The following PRKACA variants were observed in gnomAD, a reference collection of about 807,000 sequenced individuals.
PRKACA encodes the protein cAMP-dependent protein kinase catalytic subunit alpha.
A neutral mutation model predicts 45.8 loss-of-function variants in PRKACA; 9 were observed. That is an observed-to-expected ratio of 0.20 (90% CI 0.12 to 0.34). The LOEUF (loss-of-function observed/expected upper bound fraction) is 0.34. Ranked by LOEUF, PRKACA falls within the 10% of genes least tolerant of loss-of-function variation. The pLI is 1.00. For missense variants in PRKACA, 238 were observed against 458.6 expected, an observed-to-expected ratio of 0.52 and a Z score of 4.39; for synonymous variants, 160 against 178.6, an observed-to-expected ratio of 0.90 and a Z score of 0.83.
At chr19:14,117,343 G>A (rs1054787491) in intron 1 of PRKACA, among the ~76,000 whole-genome samples, 159 bp downstream of exon 1, 1 of 151,152 alleles carries the variant, frequency 6.6e-6, no homozygotes, top group Admixed American at 6.6e-5. Context: ...GGTACTCTGC[G>A]GGCCCGCGGG....
chr19:14,093,310 G>C lies in PRKACA; in HGVS notation c.931-73C>G, dbSNP rs925441839. Reference sequence around the variant, plus strand: ...ATTATTACAACAATAAATGCGAATGGCCTAACATTCAAGAGATATTTACTC... The same window carrying C: ...ATTATTACAACAATAAATGCGAATGCCCTAACATTCAAGAGATATTTACTC... On this transcript the variant is annotated intron_variant, in intron 9 of 9. Coordinates refer to ENST00000308677, the MANE Select transcript of PRKACA (RefSeq NM_002730.4). 7.7e-6 allele frequency: 12 copies of C among 1,550,572 alleles called. No homozygotes were observed. The Admixed American group carries it at 2.2e-4, about 29-fold the overall frequency.
chr19:14,096,897 T>C (rs1459413186), intron 8 of PRKACA: 1 of 282,778 alleles, frequency 3.5e-6, no homozygotes, highest in African/African-American at 2.2e-5. Context: ...ACCCCTCATC[T>C]GAACCCTCAG....
rs1393724362 is a variant in PRKACA at position 14,091,916 on chromosome 19, TACGAGAGAAAAAAGC to T, written c.*1181_*1195del. ...CCCCAGCGGCTCCCCACTTTTCTAT[TACGAGAGAAAAAAGC>T]ACAAATGAGAAAGTGGGGGAGAGGT... is the stretch of plus-strand genomic sequence containing the variant. On this transcript the variant is annotated 3_prime_UTR_variant, in exon 10 of 10. Transcript: ENST00000308677. The T allele has an allele frequency of 6.6e-6, 1 of 151,864 alleles. No homozygotes were observed. The highest frequency in any genetic ancestry group is 1.5e-5 in the Non-Finnish European group (1 of 67,868). 9.4% of individuals were successfully genotyped at this position (151,864 alleles called of 1,614,324 possible). A position where few individuals can be genotyped will look rare whatever the true frequency, so the allele number is the denominator to read the frequency against.
At chr19:14,101,279 A>G (rs955534259) in intron 4 of PRKACA, 7 of 236,778 alleles carry the variant, frequency 3.0e-5, no homozygotes, top group Non-Finnish European at 6.0e-5. Context: ...AAAAATTATT[A>G]CAGAGGGTCG....
rs770698309 is a variant in PRKACA, at chr19:14,097,498, G to A, written c.643-15C>T. ...TTGTTGTAGCCCTGGAGCAAGATGG[G>A]GGGGCACAGGGTGAGGAGGAGGCGA... On this transcript the variant is annotated splice_polypyrimidine_tract_variant and intron_variant, in intron 7 of 9. Transcript: ENST00000308677. This position sits in a 1 kb window ranked among gnomAD's most constrained non-coding sequence, Gnocchi z 5.4. 1.9e-6 allele frequency: 3 copies of A among 1,613,976 alleles called. No individual in the cohort carries two copies. Among genetic ancestry groups the A allele is most frequent in the South Asian group, 2.2e-5 (2 of 91,088 alleles).
At position 14,102,843 on chromosome 19, in the gene PRKACA, G is replaced by T; in HGVS notation, c.309C>A (p.Phe103Leu). 6.2e-7 allele frequency: 1 copy of T among 1,614,192 alleles called. No individual in the cohort carries two copies. Residue 103 changes from phenylalanine to leucine, a missense_variant, in exon 4 of 10, where the codon TTC (phenylalanine) becomes TTA (leucine). By Grantham distance (22) the Phe-to-Leu change is conservative (BLOSUM62 0). This residue lies in a region of PRKACA where 93 missense variants were observed against 149.1 expected (regional missense o/e 0.62). Coordinates refer to ENST00000308677, the MANE Select transcript of PRKACA (RefSeq NM_002730.4). ...KRILQAVNFP[F>L]LVKLEFSFKD... The stretch of plus-strand genomic sequence containing the variant: ...TGAAGGAGAACTCGAGTTTGACGAG[G>T]AACGGAAAGTTGACAGCTTGCAGGA...
intron 3 of PRKACA, among the ~76,000 whole-genome samples, chr19:14,105,721 G>A (rs960859467): frequency 3.1e-4 from 47 of 152,194 alleles, no homozygotes; most frequent in South Asian, 1.9e-3. Context: ...GACTACAGGC[G>A]TGCGCCACCG....
intron 4 of PRKACA, among the ~76,000 whole-genome samples, chr19:14,102,476 G>A (rs1599341228): frequency 6.6e-6 from 1 of 152,204 alleles, no homozygotes; most frequent in Non-Finnish European, 1.5e-5. Context: ...CACACATCAA[G>A]AAGTACTGAA....
intron 1 of PRKACA, among the ~76,000 whole-genome samples, chr19:14,113,680 G>A (rs1281501065): frequency 1.3e-5 from 2 of 152,158 alleles, no homozygotes; most frequent in African/African-American, 4.8e-5. Context: ...GGGCAGGAAT[G>A]CCCAGCCTGG....
At chr19:14,107,097 G>A (rs1977635262) in intron 2 of PRKACA, among the ~76,000 whole-genome samples, 1 of 150,022 alleles carries the variant, frequency 6.7e-6, no homozygotes, top group Non-Finnish European at 1.5e-5. Context: ...CTGGCCTGGG[G>A]CCTGGAAGCT....
rs1031628866 is a variant in PRKACA, at chr19:14,097,030, T to C, written c.765+331A>G. ...ACCAAATACATTCGTTTTTCTGCCT[T>C]GGAATTTGCGAAAACTCACACTAAC... On this transcript the variant is annotated intron_variant, in intron 8 of 9. Coordinates refer to ENST00000308677, the MANE Select transcript of PRKACA (RefSeq NM_002730.4). This position sits in a 1 kb window ranked among gnomAD's most constrained non-coding sequence, Gnocchi z 5.4. The C allele has an allele frequency of 1.2e-4, 46 of 374,002 alleles. No homozygotes were observed. Among genetic ancestry groups the C allele is most frequent in the Middle Eastern group, 9.1e-4 (1 of 1,096 alleles). 23.2% of individuals were successfully genotyped at this position (374,002 alleles called of 1,614,324 possible).
intron 1 of PRKACA, among the ~76,000 whole-genome samples, chr19:14,111,407 A>G (rs1966960206): frequency 6.6e-6 from 1 of 152,080 alleles, no homozygotes; most frequent in Admixed American, 6.6e-5. Flanking sequence ...CAAAAAAAAA[A>G]AAAAGAAAGT....
intron 5 of PRKACA, among the ~76,000 whole-genome samples, chr19:14,099,421 C>T (rs567423968): frequency 6.7e-4 from 101 of 151,284 alleles, no homozygotes; most frequent in Non-Finnish European, 1.2e-3. Context: ...ACTGCAGCAG[C>T]GTGATCACGG....
chr19:14,108,333 C>G (rs1226894208), intron 1 of PRKACA: 1 of 164,810 alleles, frequency 6.1e-6, no homozygotes, highest in African/African-American at 2.4e-5. Flanking sequence ...GGGAGTTGAA[C>G]AGTGGCCCCG....
intron 1 of PRKACA, among the ~76,000 whole-genome samples, chr19:14,116,983 G>C (rs1436812155): frequency 6.9e-6 from 1 of 144,448 alleles, no homozygotes; most frequent in African/African-American, 2.5e-5. Flanking sequence ...GTGCTAAGGT[G>C]AAGAGGGAAA....
rs1360959639 is a variant in PRKACA at position 14,092,886 on chromosome 19, G to C, written c.*226C>G. The C allele has an allele frequency of 3.7e-6, 2 of 534,304 alleles. No individual in the cohort carries two copies. Among genetic ancestry groups the C allele is most frequent in the South Asian group, 3.5e-5 (1 of 28,934 alleles). The allele number at this position is 534,304 out of a possible 1,614,324, so 33.1% of individuals were successfully genotyped here. On this transcript the variant is annotated 3_prime_UTR_variant, in exon 10 of 10. Coordinates refer to ENST00000308677, the MANE Select transcript of PRKACA (RefSeq NM_002730.4). ...TGTGGGGAAAGAGGAAGGGAAAAGT[G>C]GGAGAGGGGGCAGGAGGGTGAAGGG...
chr19:14,102,691 A>AG, intron 4 of PRKACA, 125 bp downstream of exon 4: 1 of 813,206 alleles, frequency 1.2e-6, no homozygotes, highest in South Asian at 1.5e-5. Flanking sequence ...TCCCTCCTCC[A>AG]GGGATCTTGT....
At chr19:14,096,331 C>T (rs1977256710) in intron 8 of PRKACA, 1 of 151,666 alleles carries the variant, frequency 6.6e-6, no homozygotes, top group Admixed American at 6.6e-5. Context: ...CAGGTGTAAG[C>T]CACCGCGCCC....
chr19:14,108,660 T>G (rs1385738532), intron 1 of PRKACA, among the ~76,000 whole-genome samples: 2 of 152,090 alleles, frequency 1.3e-5, no homozygotes, highest in African/African-American at 4.8e-5. Context: ...TCCACCCGCC[T>G]CGGCCTCCCA....
Sources: gnomAD v4.1 joint callset for allele counts (sites outside exome capture counted in the v4.1 genomes callset) on GRCh38, gnomAD v4.1.1 for gene constraint, gnomAD v4.1.1 regional missense constraint, Gnocchi (gnomAD v3.1) non-coding constraint, MANE v1.5 for transcripts, NCBI Gene and HGNC (gene_info 2026-07-23, HGNC 2026-07-21) for gene names.